Variants in VPS13B observed in about 807,000 individuals in gnomAD.
VPS13B encodes the protein intermembrane lipid transfer protein VPS13B.
A neutral mutation model predicts 426.4 loss-of-function variants in VPS13B; 285 were observed. The ratio of observed to expected loss-of-function variants is 0.67; its 90% CI spans 0.61 to 0.74. The LOEUF is 0.74. Among genes scored for constraint, VPS13B ranks in the 30% least tolerant of loss-of-function variants. The pLI is 0.00. For missense variants in VPS13B, 4,537 were observed against 4,782.6 expected (o/e 0.95, Z 1.51); for synonymous variants, 1,676 against 1,676.4 (o/e 1.00, Z 0.01).
chr8:99,848,947 G>A, intron 55 of VPS13B, 53 bp downstream of exon 55: 1 of 1,509,798 alleles, frequency 6.6e-7, no homozygotes, highest in Non-Finnish European at 9.2e-7. Context: ...CTGTTACAAA[G>A]TTGTAAACTT....
At position 99,818,753 on chromosome 8, in the gene VPS13B, C is replaced by T. The variant is rs1205795517; in HGVS notation, c.8486C>T (p.Pro2829Leu). 2 of 1,613,924 alleles carry T rather than the reference C, an allele frequency of 1.2e-6. No homozygotes were observed. Among genetic ancestry groups the T allele is most frequent in the South Asian group, 2.2e-5 (2 of 91,070 alleles). Residue 2829 changes from proline (P) to leucine (L), a missense_variant, in exon 47 of 62, where the codon CCA becomes CTA. Pro to Leu is a moderately conservative substitution (Grantham distance 98). This residue lies in a region of VPS13B where 4,311 missense variants were observed against 4,474.3 expected (regional missense o/e 0.96). Coordinates refer to ENST00000357162, the MANE Select transcript of VPS13B (RefSeq NM_152564.5). ...SPLFIMRSHL[P>L]DPIIIHLEKR... ...CTTTTTATCATGAGGAGTCATCTTC[C>T]AGACCCCATTATCATACATTTGGAG...
chr8:99,551,615 GTGGCTACTC>G (rs1824288535), intron 30 of VPS13B, among the ~76,000 whole-genome samples: 1 of 151,738 alleles, frequency 6.6e-6, no homozygotes, highest in Non-Finnish European at 1.5e-5. Flanking sequence ...TGTTATTTTA[GTGGCTACTC>G]TGGCTATGTT....
chr8:99,040,106 A>T lies in VPS13B; in HGVS notation c.291+1540A>T, dbSNP rs556151723. Among the ~76,000 whole-genome samples, 4 of 152,294 alleles carry T rather than the reference A, an allele frequency of 2.6e-5. No homozygotes were observed. The South Asian group carries it at 8.3e-4, about 32-fold the overall frequency. On this transcript the variant is annotated intron_variant, in intron 3 of 61. Transcript: ENST00000357162. Reference sequence around the variant, plus strand: ...ATATTAAAAGAGAAAAAAAAAATCCAGACACTTAAGTACTTTTTTCATTGA... The same window carrying T: ...ATATTAAAAGAGAAAAAAAAAATCCTGACACTTAAGTACTTTTTTCATTGA...
At chr8:99,317,063 A>G (rs1313327380) in intron 19 of VPS13B, among the ~76,000 whole-genome samples, 1 of 152,234 alleles carries the variant, frequency 6.6e-6, no homozygotes, top group African/African-American at 2.4e-5. Context: ...GTGGCATAGA[A>G]TGGCCTTTGT....
chr8:99,461,217 G>T (rs969415994), intron 23 of VPS13B, among the ~76,000 whole-genome samples: 3 of 151,630 alleles, frequency 2.0e-5, no homozygotes, highest in Non-Finnish European at 2.9e-5. Context: ...CCTTAGATTG[G>T]CCCCATTACG....
intron 2 of VPS13B, among the ~76,000 whole-genome samples, chr8:99,026,474 G>A (rs1228659788): frequency 2.6e-5 from 4 of 152,164 alleles, no homozygotes; most frequent in African/African-American, 9.7e-5. Context: ...TTGGTCTAAA[G>A]TGCAATTGAA....
intron 26 of VPS13B, 66 bp from the exon 27 acceptor site, chr8:99,502,770 A>G (rs902023963): frequency 1.6e-6 from 2 of 1,227,526 alleles, no homozygotes; most frequent in Non-Finnish European, 2.4e-6. Flanking sequence ...TGTGAAATGT[A>G]AAATAGAAAG....
At chr8:99,697,234 T>TGCA (rs1832061556) in intron 35 of VPS13B, 2 of 575,674 alleles carry the variant, frequency 3.5e-6, no homozygotes, top group Admixed American at 5.3e-5. Flanking sequence ...GAGGTCACGC[T>TGCA]GCAGGAGGAG....
Position 99,366,230 on chromosome 8 carries a change from T to A in VPS13B, c.2825-17978T>A, listed in dbSNP as rs185499330. 9.8e-5 allele frequency among the ~76,000 whole-genome samples: 15 copies of A among 152,308 alleles called. No individual in the cohort carries two copies. In the East Asian group the frequency reaches 2.7e-3, roughly 27 times the overall value. On this transcript the variant is annotated intron_variant, in intron 19 of 61. Coordinates refer to ENST00000357162, the MANE Select transcript of VPS13B (RefSeq NM_152564.5). Reference sequence around the variant, plus strand: ...ACCTTTTATTGTGTTGGGGTCTATCTTTCTAGCTCTAATAATATTTGCTTT... The same window carrying A: ...ACCTTTTATTGTGTTGGGGTCTATCATTCTAGCTCTAATAATATTTGCTTT...
chr8:99,332,925 C>G (rs1333647668), intron 19 of VPS13B, among the ~76,000 whole-genome samples: 3 of 151,416 alleles, frequency 2.0e-5, no homozygotes, highest in African/African-American at 7.3e-5. Context: ...GCTTATTTTT[C>G]TTAATGATGA....
At chr8:99,454,248 A>C (rs781528444) in intron 23 of VPS13B, among the ~76,000 whole-genome samples, 2 of 152,056 alleles carry the variant, frequency 1.3e-5, no homozygotes, top group Non-Finnish European at 2.9e-5. Flanking sequence ...GTAGTGGCAC[A>C]ATCATAGCTC....
chr8:99,389,650 TAGAC>T (rs1258452088), intron 20 of VPS13B: 2 of 152,150 alleles, frequency 1.3e-5, no homozygotes, highest in Non-Finnish European at 2.9e-5. Flanking sequence ...TGTTGAATAG[TAGAC>T]TGAGGAGGAG....
chr8:99,813,071 T>C (rs1210276320), intron 44 of VPS13B, among the ~76,000 whole-genome samples: 1 of 152,186 alleles, frequency 6.6e-6, no homozygotes, highest in Non-Finnish European at 1.5e-5. Context: ...CATTGTAAGT[T>C]TTGCCACTTT....
chr8:99,257,429 C>T (rs1266012488), intron 17 of VPS13B, among the ~76,000 whole-genome samples: 6 of 152,022 alleles, frequency 3.9e-5, no homozygotes, highest in African/African-American at 1.4e-4. Context: ...AGTGAGAGTG[C>T]CTTGTGGCAT....
rs570568473 is a variant in VPS13B, at chr8:99,460,021, T to A, written c.3446-7393T>A. Among the ~76,000 whole-genome samples, 13 of 152,266 alleles carry A rather than the reference T, an allele frequency of 8.5e-5. No homozygotes were observed. In the South Asian group the frequency reaches 2.5e-3, roughly 29 times the overall value. On this transcript the variant is annotated intron_variant, in intron 23 of 61. Transcript: ENST00000357162. Reference sequence around the variant, plus strand: ...ATGAAAGTGTTTCTAGTTTAAACAGTATTTTGTTAATCTTGCTATTTAATG... The same window carrying A: ...ATGAAAGTGTTTCTAGTTTAAACAGAATTTTGTTAATCTTGCTATTTAATG...
At chr8:99,485,170 A>G (rs1820239031) in intron 25 of VPS13B, among the ~76,000 whole-genome samples, 1 of 152,198 alleles carries the variant, frequency 6.6e-6, no homozygotes, top group African/African-American at 2.4e-5. Flanking sequence ...TGTCATTTCA[A>G]TTCAACTTTT....
intron 19 of VPS13B, among the ~76,000 whole-genome samples, chr8:99,296,286 C>T (rs1231470755): frequency 6.6e-6 from 1 of 152,046 alleles, no homozygotes; most frequent in African/African-American, 2.4e-5. Context: ...ATGTGAAGAG[C>T]ATTTATTGTT....
intron 39 of VPS13B, among the ~76,000 whole-genome samples, chr8:99,739,859 A>G (rs767005801): frequency 6.6e-5 from 10 of 152,212 alleles, no homozygotes; most frequent in Non-Finnish European, 1.5e-4. Context: ...AGATAAAACC[A>G]CAAAGATGTG....
Position 99,360,240 on chromosome 8 carries a change from CTCCTTCCTTCCTTCCTTCCT to C in VPS13B, c.2825-23945_2825-23926del, listed in dbSNP as rs763728692. ...TTTCTTTCTTTCTTTCTTTCTCTCT[CTCCTTCCTTCCTTCCTTCCT>C]TCCTTCCTTCCTTCCTTCCTTCTTT... On this transcript the variant is annotated intron_variant, in intron 19 of 61. Transcript: ENST00000357162. Among the ~76,000 whole-genome samples, 44 of 76,820 alleles carry C rather than the reference CTCCTTCCTTCCTTCCTTCCT, an allele frequency of 5.7e-4. 1 individual carries two copies. Among genetic ancestry groups the C allele is most frequent in the Non-Finnish European group, 1.0e-3 (41 of 39,792 alleles). The allele number at this position is 76,820 out of a possible 152,430, so 50.4% of individuals were successfully genotyped here.
Sources: allele counts gnomAD v4.1 joint callset (sites outside exome capture counted in the v4.1 genomes callset), GRCh38; gene constraint gnomAD v4.1.1; regional missense constraint gnomAD v4.1.1; transcripts MANE v1.5; gene names NCBI Gene and HGNC (gene_info 2026-07-23, HGNC 2026-07-21).